The following ANKS1B variants were observed in gnomAD, a reference collection of about 807,000 sequenced individuals.
The protein encoded by ANKS1B is ankyrin repeat and sterile alpha motif domain containing 1B.
In ANKS1B, 36 loss-of-function variants were observed where a neutral mutation model predicts 148.3. That is an observed-to-expected ratio of 0.24 (90% CI 0.19 to 0.32). The LOEUF is 0.32. ANKS1B is among the 10% of genes least tolerant of loss of function. The probability of loss-of-function intolerance (pLI) is 1.00; values close to 1 mark genes in which losing one functional copy is unlikely to be tolerated. For synonymous variants in ANKS1B, 542 were observed against 560.8 expected, an observed-to-expected ratio of 0.97 and a Z score of 0.47; for missense variants, 1,157 against 1,542.6, an observed-to-expected ratio of 0.75 and a Z score of 4.19.
At chr12:98,990,782 T>C (rs1172058994) in intron 17 of ANKS1B, among the ~76,000 whole-genome samples, 1 of 152,236 alleles carries the variant, frequency 6.6e-6, no homozygotes, top group Non-Finnish European at 1.5e-5. Flanking sequence ...TGGTGATATC[T>C]TGCCTTTCTG....
intron 1 of ANKS1B, among the ~76,000 whole-genome samples, chr12:99,923,050 T>C (rs930418595): frequency 5.9e-5 from 9 of 152,190 alleles, no homozygotes; most frequent in African/African-American, 2.2e-4. Context: ...GCAAAGTGCA[T>C]TACAGGCAAA....
rs796413403 is a variant in ANKS1B at position 98,891,925 on chromosome 12, C to CTTGTAAATA, written c.2779-59798_2779-59790dup. On this transcript the variant is annotated intron_variant, in intron 17 of 26. Transcript: ENST00000683438. ...AGATGTTATAGTTTGATTACTAGCA[C>CTTGTAAATA]TTGTAAATATTAACCAAGTCTAAGT... Among the ~76,000 whole-genome samples the CTTGTAAATA allele has an allele frequency of 2.4e-4, 37 of 152,268 alleles. 1 individual carries two copies. Among genetic ancestry groups the CTTGTAAATA allele is most frequent in the African/African-American group, 8.9e-4 (37 of 41,538 alleles).
At chr12:99,392,820 C>T (rs1162779904) in intron 12 of ANKS1B, among the ~76,000 whole-genome samples, 1 of 152,102 alleles carries the variant, frequency 6.6e-6, no homozygotes, top group Non-Finnish European at 1.5e-5. Flanking sequence ...AAAATTATCA[C>T]ATGGCTTCCT....
At position 99,220,408 on chromosome 12, in the gene ANKS1B, A is replaced by G. The variant is rs545561059; in HGVS notation, c.2419+23934T>C. Among the ~76,000 whole-genome samples the G allele has an allele frequency of 1.2e-4, 19 of 152,216 alleles. 1 individual carries two copies. Among genetic ancestry groups the G allele is most frequent in the Admixed American group, 8.5e-4 (13 of 15,278 alleles). ...TGCAGTAGAAATTAAGTAAAAAACAAAATATAATTTGGCATCAAGCATACA... is the reference window on the plus strand; with the variant it reads ...TGCAGTAGAAATTAAGTAAAAAACAGAATATAATTTGGCATCAAGCATACA... On this transcript the variant is annotated intron_variant, in intron 14 of 26. Coordinates refer to ENST00000683438, the MANE Select transcript of ANKS1B (RefSeq NM_001352186.2).
intron 12 of ANKS1B, among the ~76,000 whole-genome samples, chr12:99,251,434 T>C (rs977539937): frequency 3.3e-5 from 5 of 152,184 alleles, no homozygotes; most frequent in Non-Finnish European, 5.9e-5. Flanking sequence ...TTCTTACCCT[T>C]TCTTCAGACA....
intron 15 of ANKS1B, among the ~76,000 whole-genome samples, chr12:99,110,654 C>T (rs1788577792): frequency 6.6e-6 from 1 of 152,096 alleles, no homozygotes; most frequent in Non-Finnish European, 1.5e-5. Context: ...TTCTCTATTG[C>T]TTGGTTTGAA....
intron 9 of ANKS1B, among the ~76,000 whole-genome samples, chr12:99,525,151 G>A (rs139884446): frequency 2.0e-5 from 3 of 152,204 alleles, no homozygotes; most frequent in African/African-American, 7.2e-5. Flanking sequence ...TTACAGCAGC[G>A]TTAGGAAACA....
At chr12:99,088,838 G>GTTTTTTTTTTTTTTTTTTTT (rs386377539) in intron 15 of ANKS1B, among the ~76,000 whole-genome samples, 1 of 69,848 alleles carries the variant, frequency 1.4e-5, no homozygotes, top group African/African-American at 6.3e-5. Flanking sequence ...TTTAACTTCT[G>GTTTTTTTTTTTTTTTTTTTT]TTTTTTTTTT....
rs768778810 is a variant in ANKS1B, at chr12:99,655,113, G to C, written c.1226C>G (p.Thr409Ser). Residue 409 changes from threonine (T) to serine (S), a missense_variant, in exon 9 of 27, where the codon ACT becomes AGT. By Grantham distance (58) the Thr-to-Ser change is moderately conservative. Coordinates refer to ENST00000683438, the MANE Select transcript of ANKS1B (RefSeq NM_001352186.2). ...AAGGTTCCTACATCCATTACACGGAGTTAATGCTTCCCAAAGTCCTGATGG... is the reference window on the plus strand; with the variant it reads ...AAGGTTCCTACATCCATTACACGGACTTAATGCTTCCCAAAGTCCTGATGG... ...CGPSGLWEAL[T>S]PCNGCRNLGF... 4 of 1,612,412 alleles carry C rather than the reference G, an allele frequency of 2.5e-6. No homozygotes were observed. The highest frequency in any genetic ancestry group is 3.4e-6 in the Non-Finnish European group (4 of 1,178,960).
intron 1 of ANKS1B, among the ~76,000 whole-genome samples, chr12:99,924,188 A>G (rs1401684816): frequency 1.3e-5 from 2 of 152,134 alleles, no homozygotes; most frequent in Non-Finnish European, 2.9e-5. Context: ...AACAAGATGG[A>G]TGGTGGTGGG....
At position 99,655,192 on chromosome 12, in the gene ANKS1B, T is replaced by G. The variant is rs749641841; in HGVS notation, c.1147A>C (p.Asn383His). 1.9e-6 allele frequency: 3 copies of G among 1,610,024 alleles called. No homozygotes were observed. Among genetic ancestry groups the G allele is most frequent in the Non-Finnish European group, 2.5e-6 (3 of 1,177,728 alleles). ...TCTTCCACTTCTCCTGGTGACAAAT[T>G]GATTGTAGATGAGGTTCTCTGAAAT... is the stretch of plus-strand genomic sequence containing the variant. ...SQSVRTSSTINLSPGEVEEED... is the reference protein window; with the variant it reads ...SQSVRTSSTIHLSPGEVEEED... Residue 383 changes from asparagine (N) to histidine (H), a missense_variant, in exon 9 of 27, where the codon AAT (asparagine) becomes CAT (histidine). By Grantham distance (68) the Asn-to-His change is moderately conservative. Around this residue, in one of 6 missense-constraint regions of ANKS1B, gnomAD observed 661 missense variants for 642.1 expected, o/e 1.03. Coordinates refer to ENST00000683438, the MANE Select transcript of ANKS1B (RefSeq NM_001352186.2).
At chr12:99,479,103 T>C (rs1370367996) in intron 10 of ANKS1B, among the ~76,000 whole-genome samples, 2 of 152,092 alleles carry the variant, frequency 1.3e-5, no homozygotes, top group African/African-American at 2.4e-5. Flanking sequence ...TAAACTTTAA[T>C]TGAAAATACA....
intron 12 of ANKS1B, among the ~76,000 whole-genome samples, chr12:99,285,507 G>A (rs951784361): frequency 1.3e-5 from 2 of 152,164 alleles, no homozygotes; most frequent in Non-Finnish European, 2.9e-5. Context: ...TCTAGAGAAG[G>A]TGAAGCAAAA....
intron 19 of ANKS1B, among the ~76,000 whole-genome samples, chr12:98,810,890 C>T (rs975685002): frequency 3.3e-5 from 5 of 152,136 alleles, no homozygotes; most frequent in African/African-American, 9.7e-5. Flanking sequence ...TTAAAAAGCC[C>T]GGGGTGGATA....
intron 12 of ANKS1B, among the ~76,000 whole-genome samples, chr12:99,353,326 T>C (rs1228042945): frequency 6.6e-6 from 1 of 151,948 alleles, no homozygotes; most frequent in Non-Finnish European, 1.5e-5. Flanking sequence ...GGAGAGTAAA[T>C]GTGTGTGTTG....
rs1268039854 is a variant in ANKS1B at position 99,831,579 on chromosome 12, CTT to C, written c.135-6192_135-6191del. ...TTAGAATAGTTATTCTCTCTTTGCTCTTGTCAGCTAGATTTCTAACACTGCCT... is the reference window on the plus strand; with the variant it reads ...TTAGAATAGTTATTCTCTCTTTGCTCGTCAGCTAGATTTCTAACACTGCCT... On this transcript the variant is annotated intron_variant, in intron 1 of 26. Transcript: ENST00000683438. Among the ~76,000 whole-genome samples, 7 of 152,250 alleles carry C rather than the reference CTT, an allele frequency of 4.6e-5. No individual in the cohort carries two copies. In the South Asian group the frequency reaches 1.0e-3, roughly 23 times the overall value.
At chr12:99,551,411 A>T (rs1322820497) in intron 9 of ANKS1B, among the ~76,000 whole-genome samples, 1 of 151,928 alleles carries the variant, frequency 6.6e-6, no homozygotes, top group Non-Finnish European at 1.5e-5. Context: ...CACTTTTCAC[A>T]TTGAACTATG....
intron 1 of ANKS1B, among the ~76,000 whole-genome samples, chr12:99,862,752 A>C (rs898248066): frequency 1.2e-4 from 19 of 152,182 alleles, no homozygotes; most frequent in African/African-American, 4.6e-4. Context: ...AATCCATTCT[A>C]TTTTTCTCTC....
At chr12:99,662,842 G>T (rs1377070355) in intron 8 of ANKS1B, among the ~76,000 whole-genome samples, 1 of 151,938 alleles carries the variant, frequency 6.6e-6, no homozygotes, top group East Asian at 1.9e-4. Flanking sequence ...GTAGAAGGGT[G>T]CTTTTCATCT....
Sources: gnomAD v4.1 joint callset for allele counts (sites outside exome capture counted in the v4.1 genomes callset) on GRCh38, gnomAD v4.1.1 for gene constraint, gnomAD v4.1.1 regional missense constraint, MANE v1.5 for transcripts, NCBI Gene and HGNC (gene_info 2026-07-23, HGNC 2026-07-21) for gene names.